The following DTNA variants were observed in gnomAD, a reference collection of about 807,000 sequenced individuals.
DTNA encodes the protein dystrobrevin alpha.
Under a neutral mutation model 100.7 loss-of-function variants are expected in DTNA, and 43 were observed. The ratio of observed to expected loss-of-function variants is 0.43; its 90% CI spans 0.33 to 0.55. The LOEUF (loss-of-function observed/expected upper bound fraction) is 0.55. Ranked by LOEUF, DTNA falls within the 20% of genes least tolerant of loss-of-function variation. DTNA has a pLI of 0.04. For missense variants in DTNA, 798 were observed against 953.9 expected (o/e 0.84, Z 2.15); for synonymous variants, 349 against 347.9 (o/e 1.00, Z -0.04).
intron 1 of DTNA, among the ~76,000 whole-genome samples, chr18:34,651,995 G>A (rs948521772): frequency 1.3e-5 from 2 of 151,972 alleles, no homozygotes; most frequent in Admixed American, 6.6e-5. Flanking sequence ...GAGCCAGGGG[G>A]GTCAAGGCTG....
At chr18:34,624,044 C>A (rs985351224) in intron 1 of DTNA, among the ~76,000 whole-genome samples, 2 of 152,048 alleles carry the variant, frequency 1.3e-5, no homozygotes, top group African/African-American at 4.8e-5. Flanking sequence ...ATTAAAATTA[C>A]CCAAAGGCCT....
chr18:34,715,012 T>C (rs2083716335), intron 1 of DTNA, among the ~76,000 whole-genome samples: 1 of 132,070 alleles, frequency 7.6e-6, no homozygotes, highest in Non-Finnish European at 1.5e-5. Flanking sequence ...AACAATGAGA[T>C]CACATGGACA....
At chr18:34,753,599 G>T (rs2092559475) in intron 1 of DTNA, among the ~76,000 whole-genome samples, 2 of 149,594 alleles carry the variant, frequency 1.3e-5, no homozygotes, top group Admixed American at 6.6e-5. Flanking sequence ...AGCTGGGATG[G>T]TCTCGATCTC....
At chr18:34,499,755 T>G (rs1026408568) in intron 1 of DTNA, among the ~76,000 whole-genome samples, 1 of 152,230 alleles carries the variant, frequency 6.6e-6, no homozygotes, top group Non-Finnish European at 1.5e-5. Context: ...CATGTGCCTA[T>G]TTGTCATTTA....
chr18:34,809,094 ATCTC>A (rs2095429662), intron 5 of DTNA, among the ~76,000 whole-genome samples: 1 of 152,198 alleles, frequency 6.6e-6, no homozygotes, highest in Non-Finnish European at 1.5e-5. Context: ...GGTCACAAAA[ATCTC>A]TCCAGAATGT....
At chr18:34,784,826 T>C (rs2094452649) in intron 3 of DTNA, among the ~76,000 whole-genome samples, 1 of 152,234 alleles carries the variant, frequency 6.6e-6, no homozygotes, top group Non-Finnish European at 1.5e-5. Context: ...ATCTAGCTGC[T>C]TGTTCCATTT....
intron 1 of DTNA, among the ~76,000 whole-genome samples, chr18:34,557,414 A>G (rs1415569598): frequency 6.6e-6 from 1 of 151,938 alleles, no homozygotes; most frequent in Non-Finnish European, 1.5e-5. Context: ...CTGGTGAGGA[A>G]CTGCGTTCCT....
intron 3 of DTNA, among the ~76,000 whole-genome samples, chr18:34,787,558 A>G (rs1054923507): frequency 2.6e-5 from 4 of 152,152 alleles, no homozygotes; most frequent in African/African-American, 7.2e-5. Flanking sequence ...AAAGTTTATG[A>G]CATCAGCCAT....
At chr18:34,627,638 A>C (rs932987049) in intron 1 of DTNA, among the ~76,000 whole-genome samples, 8 of 152,238 alleles carry the variant, frequency 5.3e-5, no homozygotes, top group African/African-American at 1.9e-4. Context: ...TCATCTTTAT[A>C]ATGCTCAGTC....
chr18:34,562,995 T>C (rs1186517838), intron 1 of DTNA, among the ~76,000 whole-genome samples: 5 of 152,164 alleles, frequency 3.3e-5, no homozygotes, highest in Non-Finnish European at 7.4e-5. Flanking sequence ...CTGTGGAGAA[T>C]TTACCTAATG....
At chr18:34,729,611 T>G (rs1194877784) in intron 1 of DTNA, among the ~76,000 whole-genome samples, 2 of 152,082 alleles carry the variant, frequency 1.3e-5, no homozygotes, top group African/African-American at 4.8e-5. Flanking sequence ...CTAAAATAAT[T>G]TAACACTCAA....
At chr18:34,789,925 TA>T (rs1410190329) in intron 3 of DTNA, among the ~76,000 whole-genome samples, 1 of 152,210 alleles carries the variant, frequency 6.6e-6, no homozygotes, top group African/African-American at 2.4e-5. Context: ...GCTGTCATAG[TA>T]ATCATCCGAA....
chr18:34,517,978 CTGGA>C (rs2041815057), intron 1 of DTNA, among the ~76,000 whole-genome samples: 1 of 152,096 alleles, frequency 6.6e-6, no homozygotes, highest in African/African-American at 2.4e-5. Flanking sequence ...AGTGCAATTG[CTGGA>C]TGTTTAGTTT....
At chr18:34,582,403 T>A (rs2048734730) in intron 1 of DTNA, among the ~76,000 whole-genome samples, 1 of 152,150 alleles carries the variant, frequency 6.6e-6, no homozygotes, top group Non-Finnish European at 1.5e-5. Context: ...CAGAGCTTGG[T>A]TAGAAGAGGG....
chr18:34,662,139 T>G (rs1211368563), intron 1 of DTNA, among the ~76,000 whole-genome samples: 2 of 151,894 alleles, frequency 1.3e-5, no homozygotes, highest in Admixed American at 6.6e-5. Flanking sequence ...GTTGTTGTTT[T>G]TTTTTTTTTT....
chr18:34,755,674 C>G (rs1017710384), intron 1 of DTNA: 3 of 347,464 alleles, frequency 8.6e-6, no homozygotes, highest in South Asian at 8.3e-5. Flanking sequence ...AAACGAGTCA[C>G]CTAACAGATG....
chr18:34,689,420 G>A (rs1033888066), intron 1 of DTNA, among the ~76,000 whole-genome samples: 2 of 152,120 alleles, frequency 1.3e-5, no homozygotes, highest in African/African-American at 2.4e-5. Context: ...AGGTCTGCTG[G>A]AGTTTGCTGG....
At chr18:34,742,535 G>A (rs1303142491) in intron 1 of DTNA, among the ~76,000 whole-genome samples, 1 of 143,212 alleles carries the variant, frequency 7.0e-6, no homozygotes, top group Non-Finnish European at 1.5e-5. Context: ...TCCATTTCAA[G>A]ATCCTTAACC....
At chr18:34,659,326 A>C (rs2074836816) in intron 1 of DTNA, among the ~76,000 whole-genome samples, 1 of 152,242 alleles carries the variant, frequency 6.6e-6, no homozygotes, top group Non-Finnish European at 1.5e-5. Context: ...ATAAAAAGTT[A>C]TTAATGAGGT....
Sources: gnomAD v4.1 joint callset for allele counts (sites outside exome capture counted in the v4.1 genomes callset) on GRCh38, gnomAD v4.1.1 for gene constraint, MANE v1.5 for transcripts, NCBI Gene and HGNC (gene_info 2026-07-23, HGNC 2026-07-21) for gene names.